Variants in DHX35 observed in about 807,000 individuals in gnomAD.
The protein encoded by DHX35 is DEAH-box helicase 35.
Under a neutral mutation model 99.6 loss-of-function variants are expected in DHX35, and 84 were observed. That is an observed-to-expected ratio of 0.84 (90% confidence interval 0.71 to 1.01). The LOEUF is 1.01. Among genes scored for constraint, DHX35 ranks in the 50% least tolerant of loss-of-function variants. The pLI is 0.00. For synonymous variants in DHX35, 331 were observed against 316.2 expected (o/e 1.05, Z -0.50); for missense variants, 852 against 888.5 (o/e 0.96, Z 0.52).
chr20:39,037,194 C>CT (rs374890369), intron 21 of DHX35, among the ~76,000 whole-genome samples: 1 of 152,276 alleles, frequency 6.6e-6, no homozygotes, highest in African/African-American at 2.4e-5. Context: ...CTAACATTAG[C>CT]TGTAGGGGTT....
At chr20:39,024,855 T>G (rs1341795965) in intron 17 of DHX35, among the ~76,000 whole-genome samples, 5 of 152,234 alleles carry the variant, frequency 3.3e-5, no homozygotes, top group African/African-American at 1.2e-4. Flanking sequence ...GTCATATTGT[T>G]GGCTTCTAGT....
intron 13 of DHX35, among the ~76,000 whole-genome samples, chr20:39,013,775 C>T (rs1347011765): frequency 6.6e-6 from 1 of 152,172 alleles, no homozygotes; most frequent in Non-Finnish European, 1.5e-5. Context: ...GTTGTAAGCA[C>T]CAAGGAAGGG....
At chr20:38,981,943 CAAAA>C (rs1161300647) in intron 3 of DHX35, among the ~76,000 whole-genome samples, 5 of 87,254 alleles carry the variant, frequency 5.7e-5, no homozygotes, top group Non-Finnish European at 4.8e-5. Context: ...GACTCTGTCT[CAAAA>C]AAAAAAAAAA....
At chr20:38,978,027 A>T in intron 3 of DHX35, 3 of 722,494 alleles carry the variant, frequency 4.2e-6, no homozygotes, top group Middle Eastern at 3.7e-4. Flanking sequence ...AGAATTTCAC[A>T]TCTTCTTCCT....
Position 39,038,595 on chromosome 20 carries a change from C to T in DHX35, c.*52C>T. 1 of 1,578,670 alleles carries T rather than the reference C, an allele frequency of 6.3e-7. No individual in the cohort carries two copies. Among genetic ancestry groups the T allele is most frequent in the Middle Eastern group, 1.8e-4 (1 of 5,574 alleles). On this transcript the variant is annotated 3_prime_UTR_variant, in exon 22 of 22. Transcript: ENST00000252011. ...GACTGCTGGCGTCCTCTCCTCCATGCTGCTGCCCCTGGTCCCAGGTGGGGT... is the reference window on the plus strand; with the variant it reads ...GACTGCTGGCGTCCTCTCCTCCATGTTGCTGCCCCTGGTCCCAGGTGGGGT...
chr20:38,995,689 G>A (rs2086418465), intron 8 of DHX35, among the ~76,000 whole-genome samples: 1 of 152,176 alleles, frequency 6.6e-6, no homozygotes, highest in Non-Finnish European at 1.5e-5. Context: ...AGAAATAGAT[G>A]TTTGCAGTTC....
chr20:39,035,414 A>C (rs1463827993), intron 21 of DHX35, among the ~76,000 whole-genome samples: 4 of 152,232 alleles, frequency 2.6e-5, no homozygotes, highest in Non-Finnish European at 4.4e-5. Flanking sequence ...TTGTGGCCTG[A>C]AAATACTTGC....
chr20:38,968,795 G>A (rs932242554), intron 1 of DHX35, among the ~76,000 whole-genome samples: 3 of 152,084 alleles, frequency 2.0e-5, no homozygotes, highest in Non-Finnish European at 4.4e-5. Flanking sequence ...CAGGCAATCC[G>A]CCCGCCTCGG....
chr20:38,994,642 C>T (rs972453981), intron 7 of DHX35, among the ~76,000 whole-genome samples, 179 bp from the exon 8 acceptor site: 1 of 132,730 alleles, frequency 7.5e-6, no homozygotes, highest in East Asian at 2.6e-4. Context: ...CCCCCCCCCC[C>T]CTTTATTGAC....
intron 21 of DHX35, among the ~76,000 whole-genome samples, chr20:39,035,815 A>G (rs1490654120): frequency 6.6e-6 from 1 of 152,234 alleles, no homozygotes; most frequent in Admixed American, 6.5e-5. Flanking sequence ...AAGTCAAGGG[A>G]CATTGCCCTC....
chr20:38,982,726 C>T (rs1229088838), intron 3 of DHX35, among the ~76,000 whole-genome samples: 1 of 152,128 alleles, frequency 6.6e-6, no homozygotes, highest in African/African-American at 2.4e-5. Context: ...CTTTTGAACA[C>T]ATGAGCAGGT....
chr20:39,038,910 T>C lies in DHX35; in HGVS notation c.*367T>C. 3.4e-6 allele frequency: 1 copy of C among 295,038 alleles called. No homozygotes were observed. The highest frequency in any genetic ancestry group is 4.8e-5 in the South Asian group (1 of 21,038). 18.3% of individuals were successfully genotyped at this position (295,038 alleles called of 1,614,324 possible). A position where few individuals can be genotyped will look rare whatever the true frequency, so the allele number is the denominator to read the frequency against. ...CTGAAGGCCAAAACACCATGTGGGG[T>C]GGACAGAGGGTTTGCTGGGCTGGCT... On this transcript the variant is annotated 3_prime_UTR_variant, in exon 22 of 22. Coordinates refer to ENST00000252011, the MANE Select transcript of DHX35 (RefSeq NM_021931.4).
chr20:38,981,865 AC>A (rs2086178795), intron 3 of DHX35, among the ~76,000 whole-genome samples: 1 of 149,974 alleles, frequency 6.7e-6, no homozygotes, highest in East Asian at 2.0e-4. Context: ...AATTGCTTAA[AC>A]CCAGAAGTCG....
intron 3 of DHX35, among the ~76,000 whole-genome samples, chr20:38,983,232 A>G (rs778610206): frequency 6.6e-6 from 1 of 152,196 alleles, no homozygotes. Context: ...CAAATTTTAT[A>G]TATGTGTACT....
intron 1 of DHX35, chr20:38,962,991 G>A (rs141170643): frequency 6.5e-6 from 1 of 152,850 alleles, no homozygotes; most frequent in Non-Finnish European, 1.5e-5. Flanking sequence ...CTCAAAAAAA[G>A]GGAAAGTGTG....
intron 16 of DHX35, among the ~76,000 whole-genome samples, 153 bp downstream of exon 16, chr20:39,022,088 A>T (rs1340708713): frequency 7.9e-5 from 12 of 152,172 alleles, no homozygotes; most frequent in Non-Finnish European, 1.8e-4. Flanking sequence ...ATGTTGTGTC[A>T]GGTGTTTTGC....
chr20:38,998,008 C>G (rs2086458248), intron 8 of DHX35, among the ~76,000 whole-genome samples: 1 of 152,204 alleles, frequency 6.6e-6, no homozygotes, highest in Admixed American at 6.5e-5. Context: ...TGGGGTGGCC[C>G]AGCCTGCAGA....
intron 3 of DHX35, among the ~76,000 whole-genome samples, chr20:38,975,588 G>C (rs2086063986): frequency 6.6e-6 from 1 of 152,184 alleles, no homozygotes. Context: ...TTCCAGAATT[G>C]TTTGGGAATT....
intron 19 of DHX35, chr20:39,030,369 A>T (rs1015236307): frequency 3.7e-6 from 1 of 272,516 alleles, no homozygotes; most frequent in African/African-American, 2.2e-5. Context: ...AAGAAATCAC[A>T]TGTATTATTT....
Sources: gnomAD v4.1 joint callset for allele counts (sites outside exome capture counted in the v4.1 genomes callset) on GRCh38, gnomAD v4.1.1 for gene constraint, MANE v1.5 for transcripts, NCBI Gene and HGNC (gene_info 2026-07-23, HGNC 2026-07-21) for gene names.